The following PUS10 variants were observed in gnomAD, a reference collection of about 807,000 sequenced individuals.
PUS10 encodes the protein tRNA pseudouridine synthase Pus10.
Under a neutral mutation model 75.0 loss-of-function variants are expected in PUS10, and 59 were observed. The observed-to-expected ratio is 0.79, with a 90% confidence interval of 0.64 to 0.98. PUS10 has a LOEUF of 0.98. PUS10 is among the 50% of genes least tolerant of loss of function. The pLI, the probability that PUS10 is intolerant of heterozygous loss-of-function variation, is 0.00. For missense variants in PUS10, 650 were observed against 614.4 expected, an observed-to-expected ratio of 1.06 and a Z score of -0.61; for synonymous variants, 219 against 211.6, an observed-to-expected ratio of 1.03 and a Z score of -0.30.
chr2:61,008,955 C>A lies in PUS10; in HGVS notation c.187G>T (p.Val63Phe). 6.2e-7 allele frequency: 1 copy of A among 1,613,106 alleles called. No homozygotes were observed. Residue 63 changes from valine (V) to phenylalanine (F), a missense_variant, in exon 3 of 18, where the codon GTT becomes TTT. Transcript: ENST00000316752. ...ETEKDELILE[V>F]MNPPPKKIRL... is the part of the protein sequence containing the mutation. ...ATTTTCTTGGGAGGTGGGTTCATAA[C>A]TTCCAAAATTAATTCATCTTTTTCA...
At chr2:60,963,429 C>G (rs1190811901) in intron 8 of PUS10, among the ~76,000 whole-genome samples, 1 of 152,202 alleles carries the variant, frequency 6.6e-6, no homozygotes, top group African/African-American at 2.4e-5. Flanking sequence ...AGCAAATCCA[C>G]TGTACTGAAC....
At chr2:60,997,339 G>T (rs534242873) in intron 4 of PUS10, among the ~76,000 whole-genome samples, 14 of 152,110 alleles carry the variant, frequency 9.2e-5, no homozygotes, top group Admixed American at 2.6e-4. Flanking sequence ...GGCCAGGCGC[G>T]GTGGCTCACG....
At chr2:61,012,720 G>C (rs905724791) in intron 1 of PUS10, among the ~76,000 whole-genome samples, 1 of 147,862 alleles carries the variant, frequency 6.8e-6, no homozygotes, top group African/African-American at 2.5e-5. Context: ...TGTAATCCCG[G>C]CTACTTGGGA....
chr2:60,995,410 A>G (rs1678387851), intron 4 of PUS10, among the ~76,000 whole-genome samples: 1 of 152,196 alleles, frequency 6.6e-6, no homozygotes, highest in Admixed American at 6.5e-5. Context: ...ATACATACAT[A>G]TATATTTGTT....
At chr2:60,978,421 TAAA>T (rs71398605) in intron 4 of PUS10, among the ~76,000 whole-genome samples, 3 of 99,408 alleles carry the variant, frequency 3.0e-5, no homozygotes, top group Non-Finnish European at 2.0e-5. Flanking sequence ...GACTCCATCT[TAAA>T]AAAAAAAAAA....
intron 5 of PUS10, among the ~76,000 whole-genome samples, chr2:60,968,867 G>A (rs1252941131): frequency 2.0e-5 from 3 of 152,188 alleles, no homozygotes; most frequent in African/African-American, 7.2e-5. Flanking sequence ...TTCAAATACT[G>A]TGTGAGCTTC....
rs147188166 is a variant in PUS10 at position 60,943,132 on chromosome 2, C to A, written c.1552-699G>T. 4.0e-3 allele frequency among the ~76,000 whole-genome samples: 611 copies of A among 151,332 alleles called. 7 individuals carry two copies. Among genetic ancestry groups the A allele is most frequent in the African/African-American group, 0.014 (584 of 41,276 alleles). On this transcript the variant is annotated intron_variant, in intron 17 of 17. Coordinates refer to ENST00000316752, the MANE Select transcript of PUS10 (RefSeq NM_144709.4). Reference sequence around the variant, plus strand: ...CTCAGAAGTCTCAGAAACTTTTATTCTTCTGATCATTTTTATTCTCTCATC... The same window carrying A: ...CTCAGAAGTCTCAGAAACTTTTATTATTCTGATCATTTTTATTCTCTCATC...
intron 4 of PUS10, 29 bp downstream of exon 4, chr2:61,006,528 T>C (rs1173626761): frequency 6.8e-7 from 1 of 1,464,938 alleles, no homozygotes; most frequent in Non-Finnish European, 9.5e-7. Flanking sequence ...GCACTTCACA[T>C]ACAGTTTTAT....
intron 4 of PUS10, chr2:60,998,809 AGGGTC>A (rs1678654160): frequency 6.6e-6 from 1 of 152,186 alleles, no homozygotes; most frequent in Non-Finnish European, 1.5e-5. Flanking sequence ...AAAGCTAAGC[AGGGTC>A]AGGCCTGGTT....
intron 4 of PUS10, among the ~76,000 whole-genome samples, chr2:61,001,883 T>G (rs1244767593): frequency 2.6e-5 from 4 of 152,224 alleles, no homozygotes; most frequent in African/African-American, 9.6e-5. Flanking sequence ...CTCTCAATCC[T>G]TTTAATTTAT....
At chr2:61,014,416 A>C (rs1207010108) in intron 1 of PUS10, among the ~76,000 whole-genome samples, 1 of 152,130 alleles carries the variant, frequency 6.6e-6, no homozygotes, top group Non-Finnish European at 1.5e-5. Context: ...AAAAACCTTC[A>C]ACAAAAACAA....
chr2:60,947,846 AAAAAG>A (rs1558861928), intron 16 of PUS10, among the ~76,000 whole-genome samples, 192 bp downstream of exon 16: 10 of 151,106 alleles, frequency 6.6e-5, no homozygotes, highest in Non-Finnish European at 1.0e-4. Context: ...AAAAAAAAAA[AAAAAG>A]AAAAGAAAAG....
chr2:61,003,660 T>C (rs1679007558), intron 4 of PUS10, among the ~76,000 whole-genome samples: 1 of 149,778 alleles, frequency 6.7e-6, no homozygotes, highest in Admixed American at 6.7e-5. Context: ...TCCCCCCACC[T>C]TGGTCTCCAG....
intron 16 of PUS10, 105 bp downstream of exon 16, chr2:60,947,938 T>C: frequency 1.7e-6 from 2 of 1,156,926 alleles, no homozygotes; most frequent in South Asian, 2.7e-5. Flanking sequence ...TATAATCCTT[T>C]CCCGAATCCC....
chr2:60,969,396 C>T (rs1166100329), intron 5 of PUS10, among the ~76,000 whole-genome samples: 3 of 152,212 alleles, frequency 2.0e-5, no homozygotes, highest in Non-Finnish European at 4.4e-5. Context: ...TAAATATCTT[C>T]ACAGAGGTCC....
intron 11 of PUS10, among the ~76,000 whole-genome samples, chr2:60,959,694 A>G (rs13003464): frequency 0.49 from 73,802 of 152,088 alleles, 21,716 homozygotes; most frequent in African/African-American, 0.82. Flanking sequence ...CGGCAGAGCA[A>G]TCATCTTGAG....
chr2:60,995,678 C>G (rs1252360814), intron 4 of PUS10, among the ~76,000 whole-genome samples: 1 of 152,098 alleles, frequency 6.6e-6, no homozygotes, highest in Non-Finnish European at 1.5e-5. Context: ...CTAATACGTT[C>G]AATTTCACAG....
At position 61,002,011 on chromosome 2, in the gene PUS10, A is replaced by T. The variant is rs556992005; in HGVS notation, c.468+4546T>A. 2.2e-4 allele frequency among the ~76,000 whole-genome samples: 34 copies of T among 152,334 alleles called. No homozygotes were observed. The East Asian group carries it at 6.4e-3, about 29-fold the overall frequency. ...TGCCTCTTCCTCCCATCCTTCAGGAATACACATTTAAAAGGCTATCAGTTT... is the reference window on the plus strand; with the variant it reads ...TGCCTCTTCCTCCCATCCTTCAGGATTACACATTTAAAAGGCTATCAGTTT... On this transcript the variant is annotated intron_variant, in intron 4 of 17. Coordinates refer to ENST00000316752, the MANE Select transcript of PUS10 (RefSeq NM_144709.4).
chr2:60,960,398 C>T lies in PUS10; in HGVS notation c.994G>A (p.Ala332Thr). 6.5e-7 allele frequency: 1 copy of T among 1,543,950 alleles called. No homozygotes were observed. Residue 332 changes from alanine (A) to threonine (T), a missense_variant, in exon 11 of 18, where the codon GCA becomes ACA. Transcript: ENST00000316752. ...ISDHLLAVFK[A>T]ESFNFSSSGR... is the part of the protein sequence containing the mutation. ...TGAAGATCGTAACACTTACTCTCTG[C>T]TTTAAATACTGCCAACAGATGATCT...
Sources: gnomAD v4.1 joint callset for allele counts (sites outside exome capture counted in the v4.1 genomes callset) on GRCh38, gnomAD v4.1.1 for gene constraint, MANE v1.5 for transcripts, NCBI Gene and HGNC (gene_info 2026-07-23, HGNC 2026-07-21) for gene names.